The following GIGYF2 variants were observed in gnomAD, a reference collection of about 807,000 sequenced individuals.
The protein encoded by GIGYF2 is GRB10-interacting GYF protein 2.
Under a neutral mutation model 208.1 loss-of-function variants are expected in GIGYF2, and 25 were observed. That is an observed-to-expected ratio of 0.12 (90% CI 0.09 to 0.17). GIGYF2 has a LOEUF of 0.17. GIGYF2 is among the 10% of genes least tolerant of loss of function. GIGYF2 has a pLI of 1.00. For missense variants in GIGYF2, 1,302 were observed against 1,579.4 expected (o/e 0.82, Z 2.98); for synonymous variants, 534 against 543.8 (o/e 0.98, Z 0.25).
intron 22 of GIGYF2, among the ~76,000 whole-genome samples, chr2:232,836,215 T>C (rs1408116904): frequency 7.3e-6 from 1 of 137,554 alleles, no homozygotes; most frequent in Non-Finnish European, 1.5e-5. Context: ...TCGCTGGAGC[T>C]CAGGAATTCA....
intron 3 of GIGYF2, among the ~76,000 whole-genome samples, chr2:232,737,748 G>A (rs987795211): frequency 1.3e-5 from 2 of 151,994 alleles, no homozygotes; most frequent in Non-Finnish European, 2.9e-5. Flanking sequence ...AAGTGATACG[G>A]TGTTTATTAA....
chr2:232,823,477 T>A (rs1382676490), intron 21 of GIGYF2, among the ~76,000 whole-genome samples: 22 of 149,834 alleles, frequency 1.5e-4, no homozygotes, highest in Non-Finnish European at 3.1e-4. Context: ...CTCAGCCACC[T>A]CAGTAGCTTG....
rs991088433 is a variant in GIGYF2 at position 232,844,490 on chromosome 2, C to T, written c.3221C>T (p.Ser1074Phe). ...TGGAGTAATGCTGACACTAAAAACT[C>T]CAACATGGGATTCTGGGATGATGCA... ...SIWSNADTKNSNMGFWDDAVK... is the reference protein window; with the variant it reads ...SIWSNADTKNFNMGFWDDAVK... The change falls in exon 25 of 29, where the codon TCC (serine) becomes TTC (phenylalanine). Residue 1074 changes from serine (S) to phenylalanine (F), a missense_variant. Physicochemically the swap from Ser to Phe is radical, Grantham distance 155 (BLOSUM62 -2). Coordinates refer to ENST00000373563, the MANE Select transcript of GIGYF2 (RefSeq NM_001103146.3). 1 of 1,613,652 alleles carries T rather than the reference C, an allele frequency of 6.2e-7. No homozygotes were observed. The highest frequency in any genetic ancestry group is 1.1e-5 in the South Asian group (1 of 91,072).
chr2:232,788,934 T>TA (rs1466336710), intron 9 of GIGYF2, among the ~76,000 whole-genome samples: 1 of 152,166 alleles, frequency 6.6e-6, no homozygotes, highest in African/African-American at 2.4e-5. Context: ...AAATGCATTT[T>TA]AAAAAAGAAT....
At chr2:232,826,773 C>CA (rs1214841396) in intron 21 of GIGYF2, among the ~76,000 whole-genome samples, 1 of 152,154 alleles carries the variant, frequency 6.6e-6, no homozygotes, top group African/African-American at 2.4e-5. Context: ...AAAATGCTAT[C>CA]AAACAGCATC....
chr2:232,807,096 C>G lies in GIGYF2; in HGVS notation c.1806+439C>G, dbSNP rs889200984. Among the ~76,000 whole-genome samples, 9 of 152,332 alleles carry G rather than the reference C, an allele frequency of 5.9e-5. 3 individuals are homozygous for G. The highest frequency in any genetic ancestry group is 5.9e-4 in the Admixed American group (9 of 15,302). On this transcript the variant is annotated intron_variant, in intron 15 of 28. Coordinates refer to ENST00000373563, the MANE Select transcript of GIGYF2 (RefSeq NM_001103146.3). The stretch of plus-strand genomic sequence containing the variant: ...GTTAGAATAAACATTCCCCTCTCTT[C>G]CACTTCATTTGCCTCTTGCCTTCTC...
In GIGYF2 at chr2:232,806,155, C is replaced by T. The variant is rs530264851; in HGVS notation, c.1640-336C>T. On this transcript the variant is annotated intron_variant, in intron 14 of 28. Coordinates refer to ENST00000373563, the MANE Select transcript of GIGYF2 (RefSeq NM_001103146.3). The surrounding 1 kb of genome is among the most constrained non-coding windows in gnomAD (Gnocchi z 4.0). ...CAGCCCTGCATGTTTATATTCTTTA[C>T]GCCTAAATGATACAAAGTCTAGTAA... 6.6e-6 allele frequency among the ~76,000 whole-genome samples: 1 copy of T among 152,240 alleles called. No individual in the cohort carries two copies. Among genetic ancestry groups the T allele is most frequent in the African/African-American group, 2.4e-5 (1 of 41,550 alleles).
At position 232,860,345 on chromosome 2, in the gene GIGYF2, A is replaced by G. The variant is rs781137661; in HGVS notation, c.*3485A>G. The G allele has an allele frequency of 3.3e-5, 5 of 151,418 alleles. No individual in the cohort carries two copies. Among genetic ancestry groups the G allele is most frequent in the Non-Finnish European group, 7.4e-5 (5 of 67,876 alleles). The allele number at this position is 151,418 out of a possible 1,614,324, so 9.4% of individuals were successfully genotyped here. On this transcript the variant is annotated 3_prime_UTR_variant, in exon 29 of 29. Coordinates refer to ENST00000373563, the MANE Select transcript of GIGYF2 (RefSeq NM_001103146.3). The stretch of plus-strand genomic sequence containing the variant: ...GATAATGGTACTTCTGGCTTTATTT[A>G]AATAATTTTTTTAGGGAAACCATTG...
intron 8 of GIGYF2, among the ~76,000 whole-genome samples, chr2:232,781,179 G>A (rs1370240859): frequency 6.6e-6 from 1 of 151,854 alleles, no homozygotes; most frequent in Non-Finnish European, 1.5e-5. Flanking sequence ...GGCTGGTCTC[G>A]AACTCCTGAC....
chr2:232,705,393 C>T (rs1696048641), intron 2 of GIGYF2: 1 of 151,900 alleles, frequency 6.6e-6, no homozygotes, highest in Non-Finnish European at 1.5e-5. Context: ...TTTTGAAGTC[C>T]TGTGTATTTA....
chr2:232,750,067 C>T (rs1698283436), intron 5 of GIGYF2, among the ~76,000 whole-genome samples: 1 of 151,966 alleles, frequency 6.6e-6, no homozygotes, highest in South Asian at 2.1e-4. Flanking sequence ...CGGTTGTAAT[C>T]CCAGCTACTT....
At position 232,850,360 on chromosome 2, in the gene GIGYF2, C is replaced by T; in HGVS notation, c.3783C>T (p.Gly1261=). Residue 1261 remains glycine (G), a synonymous_variant, in exon 28 of 29, where the codon GGC becomes GGT. Coordinates refer to ENST00000373563, the MANE Select transcript of GIGYF2 (RefSeq NM_001103146.3). ...QQSNFEAVQS[G]KKKKKQKMVR... is the part of the protein sequence containing the mutation. ...CCAATTTTGAGGCTGTGCAGAGTGG[C>T]AAGAAGAAGAAAAAGCAGAAGATGG... 1 of 1,613,918 alleles carries T rather than the reference C, an allele frequency of 6.2e-7. No homozygotes were observed. Among genetic ancestry groups the T allele is most frequent in the South Asian group, 1.1e-5 (1 of 91,078 alleles).
intron 9 of GIGYF2, among the ~76,000 whole-genome samples, chr2:232,788,930 A>AT (rs1559432936): frequency 2.0e-5 from 3 of 152,258 alleles, no homozygotes; most frequent in Non-Finnish European, 4.4e-5. Context: ...GTGTAAATGC[A>AT]TTTTAAAAAA....
intron 22 of GIGYF2, among the ~76,000 whole-genome samples, chr2:232,836,304 A>T (rs1326434069): frequency 0.02 from 394 of 19,462 alleles, 18 homozygotes; most frequent in African/African-American, 0.059. Flanking sequence ...ATATATATAT[A>T]TATATATATA....
chr2:232,750,181 TA>T (rs879926319), intron 5 of GIGYF2, among the ~76,000 whole-genome samples: 413 of 142,356 alleles, frequency 2.9e-3, no homozygotes, highest in Admixed American at 3.0e-3. Flanking sequence ...GAGACTCCAT[TA>T]AAAAAAAAAA....
intron 2 of GIGYF2, chr2:232,729,561 C>G (rs775169634): frequency 4.3e-6 from 6 of 1,405,466 alleles, no homozygotes; most frequent in Non-Finnish European, 5.9e-6. Context: ...ATGGACTGCA[C>G]ATAGTCTTCA....
chr2:232,809,193 T>G (rs1045514499), intron 15 of GIGYF2, among the ~76,000 whole-genome samples: 5 of 152,188 alleles, frequency 3.3e-5, no homozygotes, highest in Non-Finnish European at 7.3e-5. Context: ...TCCGCCTGCC[T>G]TGGACTCCCA....
intron 28 of GIGYF2, among the ~76,000 whole-genome samples, chr2:232,850,711 A>C (rs1010567528): frequency 6.6e-6 from 1 of 152,220 alleles, no homozygotes; most frequent in Non-Finnish European, 1.5e-5. Context: ...TTTAGTTGGA[A>C]AATGATGCTA....
chr2:232,813,910 CAG>C (rs1388678854), intron 18 of GIGYF2, among the ~76,000 whole-genome samples: 1 of 106,694 alleles, frequency 9.4e-6, no homozygotes, highest in African/African-American at 3.7e-5. Flanking sequence ...TTTTTTGAGA[CAG>C]AGTCTTGCCG....
Sources: allele counts gnomAD v4.1 joint callset (sites outside exome capture counted in the v4.1 genomes callset), GRCh38; gene constraint gnomAD v4.1.1; non-coding constraint Gnocchi (gnomAD v3.1); transcripts MANE v1.5; gene names NCBI Gene and HGNC (gene_info 2026-07-23, HGNC 2026-07-21).